The following MARCHF1 variants were observed in gnomAD, a reference collection of about 807,000 sequenced individuals.
MARCHF1 encodes E3 ubiquitin-protein ligase MARCHF1.
In MARCHF1, 40 loss-of-function variants were observed where a neutral mutation model predicts 54.2. The observed-to-expected ratio is 0.74, with a 90% CI of 0.57 to 0.96. The LOEUF (loss-of-function observed/expected upper bound fraction) is 0.96. Among genes scored for constraint, MARCHF1 ranks in the 40% least tolerant of loss-of-function variants. The probability of loss-of-function intolerance (pLI) is 0.00; values close to 1 mark genes in which losing one functional copy is unlikely to be tolerated. For synonymous variants in MARCHF1, 236 were observed against 236.3 expected, an observed-to-expected ratio of 1.00 and a Z score of 0.01; for missense variants, 586 against 656.5, an observed-to-expected ratio of 0.89 and a Z score of 1.17.
intron 1 of MARCHF1, among the ~76,000 whole-genome samples, chr4:164,191,648 G>C (rs1344160494): frequency 6.6e-6 from 1 of 152,028 alleles, no homozygotes; most frequent in East Asian, 1.9e-4. Context: ...CACTTGTTCT[G>C]AAAAATCACA....
intron 1 of MARCHF1, among the ~76,000 whole-genome samples, chr4:164,336,505 A>G (rs970132813): frequency 6.6e-6 from 1 of 152,172 alleles, no homozygotes; most frequent in African/African-American, 2.4e-5. Flanking sequence ...CGCTTTTTCT[A>G]TTGAAGCAAA....
At chr4:163,943,712 A>G (rs1751963458) in intron 3 of MARCHF1, among the ~76,000 whole-genome samples, 2 of 150,786 alleles carry the variant, frequency 1.3e-5, no homozygotes, top group South Asian at 4.2e-4. Context: ...CTACGTAACA[A>G]ATCTGCACAT....
intron 1 of MARCHF1, among the ~76,000 whole-genome samples, chr4:164,153,115 A>G (rs1390445862): frequency 2.6e-5 from 1 of 37,760 alleles, no homozygotes; most frequent in Non-Finnish European, 4.7e-5. Context: ...GACTCTTTTC[A>G]TCAACAGAGA....
At chr4:163,744,197 A>G (rs974090251) in intron 4 of MARCHF1, among the ~76,000 whole-genome samples, 16 of 152,234 alleles carry the variant, frequency 1.1e-4, no homozygotes, top group Admixed American at 4.6e-4. Flanking sequence ...AAGGTTTCCA[A>G]GGACCCACTG....
chr4:163,543,512 A>C (rs544253379), intron 9 of MARCHF1, among the ~76,000 whole-genome samples: 2 of 152,068 alleles, frequency 1.3e-5, no homozygotes, highest in South Asian at 4.2e-4. Context: ...ATCATTCAGA[A>C]GATAGGTGGA....
chr4:163,726,219 G>A (rs977982725), intron 4 of MARCHF1, among the ~76,000 whole-genome samples: 4 of 152,106 alleles, frequency 2.6e-5, no homozygotes, highest in Admixed American at 6.5e-5. Flanking sequence ...CACCATCATA[G>A]TATTATATGT....
At chr4:164,068,384 G>A (rs563360908) in intron 2 of MARCHF1, among the ~76,000 whole-genome samples, 3 of 152,172 alleles carry the variant, frequency 2.0e-5, no homozygotes, top group Admixed American at 2.0e-4. Context: ...CAGCTTGCGG[G>A]GAGGTGTGGA....
chr4:164,055,632 A>C (rs1174176327), intron 2 of MARCHF1, among the ~76,000 whole-genome samples: 1 of 152,156 alleles, frequency 6.6e-6, no homozygotes, highest in East Asian at 1.9e-4. Flanking sequence ...CAATTAAAAC[A>C]TTTCTCTTTT....
In MARCHF1 at chr4:164,153,890, C is replaced by A. The variant is rs542813171; in HGVS notation, c.-322-42228G>T. 6.8e-4 allele frequency among the ~76,000 whole-genome samples: 103 copies of A among 152,176 alleles called. 1 individual carries two copies. Among genetic ancestry groups the A allele is most frequent in the African/African-American group, 2.3e-3 (96 of 41,526 alleles). On this transcript the variant is annotated intron_variant, in intron 1 of 9. Transcript: ENST00000514618. Reference sequence around the variant, plus strand: ...GTATGATACACTAAAATATTAATGACTTTTCTTTGAAGTCTTAAGTTTACT... The same window carrying A: ...GTATGATACACTAAAATATTAATGAATTTTCTTTGAAGTCTTAAGTTTACT...
chr4:163,816,862 C>T (rs1282986481), intron 4 of MARCHF1, among the ~76,000 whole-genome samples: 1 of 151,974 alleles, frequency 6.6e-6, no homozygotes, highest in Non-Finnish European at 1.5e-5. Flanking sequence ...TCACTTCACT[C>T]CCCCCGCTGT....
At chr4:164,146,422 A>T (rs918123120) in intron 1 of MARCHF1, among the ~76,000 whole-genome samples, 1 of 152,130 alleles carries the variant, frequency 6.6e-6, no homozygotes, top group Non-Finnish European at 1.5e-5. Flanking sequence ...ACTTCAAACT[A>T]TACTACAAGG....
At chr4:163,700,185 A>G (rs928830129) in intron 5 of MARCHF1, among the ~76,000 whole-genome samples, 2 of 152,092 alleles carry the variant, frequency 1.3e-5, no homozygotes, top group African/African-American at 4.8e-5. Flanking sequence ...GAAATGAGAG[A>G]AAAAACATAC....
intron 3 of MARCHF1, among the ~76,000 whole-genome samples, chr4:163,978,154 A>C (rs1163684750): frequency 1.3e-5 from 2 of 152,234 alleles, no homozygotes; most frequent in Non-Finnish European, 2.9e-5. Context: ...ATCTAAGGCA[A>C]ACAAACATGG....
intron 4 of MARCHF1, among the ~76,000 whole-genome samples, chr4:163,708,717 A>C (rs764994945): frequency 7.1e-4 from 108 of 152,164 alleles, no homozygotes; most frequent in Admixed American, 2.6e-4. Flanking sequence ...TGAGCATGGA[A>C]AAAGTCATGG....
intron 3 of MARCHF1, among the ~76,000 whole-genome samples, chr4:163,864,348 A>G (rs1750005613): frequency 1.3e-5 from 2 of 151,940 alleles, no homozygotes; most frequent in East Asian, 1.9e-4. Context: ...AACAATCTCA[A>G]TTGAGGAACA....
chr4:164,300,081 T>C (rs1405018399), intron 1 of MARCHF1, among the ~76,000 whole-genome samples: 1 of 152,050 alleles, frequency 6.6e-6, no homozygotes, highest in Non-Finnish European at 1.5e-5. Flanking sequence ...ATTTAAGACA[T>C]CTAAACCTTT....
chr4:163,545,788 A>G, intron 8 of MARCHF1, 45 bp from the exon 9 acceptor site: 1 of 1,590,688 alleles, frequency 6.3e-7, no homozygotes, highest in Non-Finnish European at 8.6e-7. Context: ...GCAAACTAGG[A>G]AATTTTGCTC....
At position 163,863,386 on chromosome 4, in the gene MARCHF1, T is replaced by C. The variant is rs138522472; in HGVS notation, c.-38-9217A>G. ...TTCATAACATGGTCCCCTATGGAGG[T>C]ATGACTCTGACAGTGCTATAAATGC... On this transcript the variant is annotated intron_variant, in intron 3 of 9. Transcript: ENST00000514618. Among the ~76,000 whole-genome samples the C allele has an allele frequency of 3.0e-3, 450 of 152,120 alleles. 9 individuals carry two copies. The highest frequency in any genetic ancestry group is 0.025 in the Admixed American group (380 of 15,262).
intron 4 of MARCHF1, among the ~76,000 whole-genome samples, chr4:163,720,948 C>A (rs182697069): frequency 2.0e-5 from 3 of 152,002 alleles, no homozygotes; most frequent in East Asian, 3.9e-4. Context: ...TGGGGTTTTC[C>A]AAATATACAA....
Sources: allele counts gnomAD v4.1 joint callset (sites outside exome capture counted in the v4.1 genomes callset), GRCh38; gene constraint gnomAD v4.1.1; transcripts MANE v1.5; gene names NCBI Gene and HGNC (gene_info 2026-07-23, HGNC 2026-07-21).